ARHGAP44: variants seen among roughly 807,000 people sequenced by gnomAD.
The protein encoded by ARHGAP44 is Rho GTPase activating protein 44.
Under a neutral mutation model 106.8 loss-of-function variants are expected in ARHGAP44, and 43 were observed. That is an observed-to-expected ratio of 0.40 (90% CI 0.32 to 0.52). The LOEUF (loss-of-function observed/expected upper bound fraction) is 0.52, where lower values mean the gene tolerates loss of function less well. Among genes scored for constraint, ARHGAP44 ranks in the 20% least tolerant of loss-of-function variants. The pLI is 0.48. For missense variants in ARHGAP44, 866 were observed against 1,050.5 expected (o/e 0.82, Z 2.43); for synonymous variants, 439 against 410.3 (o/e 1.07, Z -0.85).
chr17:12,841,014 C>T (rs2035374904), intron 1 of ARHGAP44, among the ~76,000 whole-genome samples: 1 of 152,142 alleles, frequency 6.6e-6, no homozygotes, highest in Admixed American at 6.5e-5. Flanking sequence ...TTAACGTGCA[C>T]CGTCTTCCGT....
At chr17:12,840,294 C>A (rs1287601385) in intron 1 of ARHGAP44, among the ~76,000 whole-genome samples, 1 of 152,138 alleles carries the variant, frequency 6.6e-6, no homozygotes, top group Non-Finnish European at 1.5e-5. Context: ...TTATTGAGGT[C>A]AAAACATCCT....
chr17:12,964,299 C>T (rs553326727), intron 16 of ARHGAP44, among the ~76,000 whole-genome samples: 1 of 152,092 alleles, frequency 6.6e-6, no homozygotes, highest in African/African-American at 2.4e-5. Flanking sequence ...TTTTTTTCTA[C>T]TGCCTTCAGA....
chr17:12,834,223 A>G (rs1448475814), intron 1 of ARHGAP44, among the ~76,000 whole-genome samples: 1 of 151,532 alleles, frequency 6.6e-6, no homozygotes, highest in Admixed American at 6.6e-5. Flanking sequence ...TCCACCGTCC[A>G]CTCTTCTTGC....
intron 6 of ARHGAP44, among the ~76,000 whole-genome samples, chr17:12,922,875 A>G (rs989465521): frequency 2.0e-5 from 3 of 152,144 alleles, no homozygotes; most frequent in Non-Finnish European, 4.4e-5. Context: ...CAGTGGTGAC[A>G]CCAAGTAGTC....
At position 12,811,308 on chromosome 17, in the gene ARHGAP44, T is replaced by A. The variant is rs572981144; in HGVS notation, c.53+21417T>A. Among the ~76,000 whole-genome samples the A allele has an allele frequency of 1.4e-3, 198 of 141,864 alleles. 2 individuals carry two copies. Among genetic ancestry groups the A allele is most frequent in the African/African-American group, 5.2e-3 (184 of 35,058 alleles). 93.1% of individuals were successfully genotyped at this position (141,864 alleles called of 152,430 possible). The stretch of plus-strand genomic sequence containing the variant: ...AGCCTGGGTGACAGAGTGAGACTCC[T>A]TCTCAAAAAAAAAAAAAAAAATCGT... On this transcript the variant is annotated intron_variant, in intron 1 of 20. Coordinates refer to ENST00000379672, the MANE Select transcript of ARHGAP44 (RefSeq NM_014859.6).
intron 1 of ARHGAP44, among the ~76,000 whole-genome samples, chr17:12,830,724 A>G (rs2035061847): frequency 6.6e-6 from 1 of 150,582 alleles, no homozygotes; most frequent in South Asian, 2.1e-4. Context: ...CTAAACAAAA[A>G]CCGAAGAAAT....
rs184056108 is a variant in ARHGAP44, at chr17:12,845,906, A to G, written c.54-49034A>G. Among the ~76,000 whole-genome samples the G allele has an allele frequency of 3.3e-5, 5 of 152,352 alleles. No homozygotes were observed. The East Asian group carries it at 9.6e-4, about 29-fold the overall frequency. On this transcript the variant is annotated intron_variant, in intron 1 of 20. Coordinates refer to ENST00000379672, the MANE Select transcript of ARHGAP44 (RefSeq NM_014859.6). ...CTATTCTGGGTAAGCTATGAAGCCC[A>G]TCTCTGTATATTGTGTAAGATCTGA...
chr17:12,809,720 C>T (rs764214555), intron 1 of ARHGAP44, among the ~76,000 whole-genome samples: 11 of 152,106 alleles, frequency 7.2e-5, no homozygotes, highest in Non-Finnish European at 1.6e-4. Flanking sequence ...TACACTCAAC[C>T]AGGAGACTAA....
intron 5 of ARHGAP44, 124 bp from the exon 6 acceptor site, chr17:12,919,631 C>T: frequency 2.9e-6 from 2 of 678,456 alleles, no homozygotes; most frequent in South Asian, 2.0e-5. Flanking sequence ...GGTGATCCAC[C>T]TGCCTTGGCC....
At chr17:12,919,272 T>C (rs1464883348) in intron 5 of ARHGAP44, among the ~76,000 whole-genome samples, 1 of 152,242 alleles carries the variant, frequency 6.6e-6, no homozygotes, top group East Asian at 1.9e-4. Context: ...CAATTCCTAT[T>C]AGTTAGACCT....
intron 16 of ARHGAP44, among the ~76,000 whole-genome samples, chr17:12,965,671 C>T (rs1216803181): frequency 1.3e-5 from 2 of 152,170 alleles, no homozygotes; most frequent in African/African-American, 4.8e-5. Flanking sequence ...TGTATGACTT[C>T]TTAGAGTCTT....
At chr17:12,919,387 CTT>C (rs375129968) in intron 5 of ARHGAP44, among the ~76,000 whole-genome samples, 2,188 of 136,060 alleles carry the variant, frequency 0.016, 60 homozygotes, top group African/African-American at 0.057. Flanking sequence ...AATAGTTCTT[CTT>C]TTTTTTTTTT....
chr17:12,794,026 A>G (rs2033845770), intron 1 of ARHGAP44, among the ~76,000 whole-genome samples: 1 of 152,170 alleles, frequency 6.6e-6, no homozygotes, highest in Non-Finnish European at 1.5e-5. Context: ...GAACAGCTGC[A>G]CTTCTGGGCA....
intron 12 of ARHGAP44, among the ~76,000 whole-genome samples, chr17:12,950,930 C>T (rs1011224527): frequency 6.6e-6 from 1 of 152,162 alleles, no homozygotes; most frequent in Non-Finnish European, 1.5e-5. Flanking sequence ...TCTGATGCTG[C>T]TCCTTCTACT....
chr17:12,903,130 AGAGAGAGAGAGTGT>A (rs1567677766), intron 3 of ARHGAP44, among the ~76,000 whole-genome samples: 16 of 116,734 alleles, frequency 1.4e-4, no homozygotes, highest in African/African-American at 4.7e-4. Flanking sequence ...GAGAGAGGAG[AGAGAGAGAGAGTGT>A]GTGTGTGTGT....
Position 12,962,977 on chromosome 17 carries a change from C to T in ARHGAP44, c.1523+4080C>T, listed in dbSNP as rs11868795. Among the ~76,000 whole-genome samples the T allele has an allele frequency of 5.3e-5, 7 of 132,948 alleles. No homozygotes were observed. In the Admixed American group the frequency reaches 6.2e-4, roughly 12 times the overall value. The allele number at this position is 132,948 out of a possible 152,430, so 87.2% of individuals were successfully genotyped here. ...GGAGAATCGCTTGAACCCAGGGAGG[C>T]GGAGGTTGCAGTGAGCCGAGATAGT... On this transcript the variant is annotated intron_variant, in intron 16 of 20. Transcript: ENST00000379672.
At chr17:12,876,258 GCTTGCTTAC>G (rs2036553628) in intron 1 of ARHGAP44, among the ~76,000 whole-genome samples, 1 of 152,034 alleles carries the variant, frequency 6.6e-6, no homozygotes, top group South Asian at 2.1e-4. Flanking sequence ...AACCTGTTCG[GCTTGCTTAC>G]CTTGCTTTAC....
In ARHGAP44 at chr17:12,910,446, C is replaced by CTTTTT. The variant is rs3076662; in HGVS notation, c.275+1489_275+1493dup. On this transcript the variant is annotated intron_variant, in intron 4 of 20. Transcript: ENST00000379672. ...AGGATAGAACATGGGCTTATGTAGC[C>CTTTTT]TTTTTTTTTTTTTTTTTTTTGAGAT... is the stretch of plus-strand genomic sequence containing the variant. Among the ~76,000 whole-genome samples, 302 of 93,354 alleles carry CTTTTT rather than the reference C, an allele frequency of 3.2e-3. 19 individuals carry two copies. Among genetic ancestry groups the CTTTTT allele is most frequent in the East Asian group, 8.1e-3 (21 of 2,584 alleles). 61.2% of individuals were successfully genotyped at this position (93,354 alleles called of 152,430 possible). A position where few individuals can be genotyped will look rare whatever the true frequency, so the allele number is the denominator to read the frequency against.
At chr17:12,975,575 G>T (rs946243424) in intron 18 of ARHGAP44, among the ~76,000 whole-genome samples, 1 of 151,942 alleles carries the variant, frequency 6.6e-6, no homozygotes, top group Non-Finnish European at 1.5e-5. Flanking sequence ...GAGGCGGGTG[G>T]ATCACGAGGT....
Sources: allele counts gnomAD v4.1 joint callset (sites outside exome capture counted in the v4.1 genomes callset), GRCh38; gene constraint gnomAD v4.1.1; transcripts MANE v1.5; gene names NCBI Gene and HGNC (gene_info 2026-07-23, HGNC 2026-07-21).